Variants in HECW2 observed in about 807,000 individuals in gnomAD.
HECW2 encodes the protein HECT, C2 and WW domain containing E3 ubiquitin protein ligase 2, also known as E3 ubiquitin-protein ligase HECW2.
In HECW2, 61 loss-of-function variants were observed where a neutral mutation model predicts 175.2. The ratio of observed to expected loss-of-function variants is 0.35; its 90% confidence interval spans 0.28 to 0.43. The LOEUF is 0.43. Among genes scored for constraint, HECW2 ranks in the 20% least tolerant of loss-of-function variants. The probability of loss-of-function intolerance (pLI) is 1.00; values close to 1 mark genes in which losing one functional copy is unlikely to be tolerated. For synonymous variants in HECW2, 671 were observed against 731.0 expected (o/e 0.92, Z 1.32); for missense variants, 1,524 against 2,000.5 (o/e 0.76, Z 4.54).
At chr2:196,501,634 T>G (rs1687581622) in intron 1 of HECW2, among the ~76,000 whole-genome samples, 1 of 152,182 alleles carries the variant, frequency 6.6e-6, no homozygotes, top group Non-Finnish European at 1.5e-5. Context: ...GCAATTACAT[T>G]TATGACAGCA....
intron 1 of HECW2, among the ~76,000 whole-genome samples, chr2:196,485,174 G>A (rs771343877): frequency 6.6e-6 from 1 of 152,178 alleles, no homozygotes; most frequent in Non-Finnish European, 1.5e-5. Flanking sequence ...ATCAAAAAAA[G>A]AAGAGTTCTA....
At chr2:196,527,024 C>T (rs1488233717) in intron 1 of HECW2, among the ~76,000 whole-genome samples, 1 of 152,188 alleles carries the variant, frequency 6.6e-6, no homozygotes, top group African/African-American at 2.4e-5. Context: ...AGCTTCCCGG[C>T]TGCTTTGTTT....
intron 1 of HECW2, among the ~76,000 whole-genome samples, chr2:196,538,226 C>T (rs1234223702): frequency 6.6e-6 from 1 of 152,196 alleles, no homozygotes; most frequent in Non-Finnish European, 1.5e-5. Flanking sequence ...CTGATAAAGA[C>T]AAACAAGGAA....
At chr2:196,266,865 A>T (rs1024015752) in intron 17 of HECW2, among the ~76,000 whole-genome samples, 2 of 152,234 alleles carry the variant, frequency 1.3e-5, no homozygotes, top group Non-Finnish European at 2.9e-5. Flanking sequence ...GGGCTCTTCA[A>T]ATAGGATAAT....
At chr2:196,350,937 A>C (rs1693149424) in intron 2 of HECW2, among the ~76,000 whole-genome samples, 1 of 152,216 alleles carries the variant, frequency 6.6e-6, no homozygotes, top group Non-Finnish European at 1.5e-5. Flanking sequence ...GAAGTCTACA[A>C]ATCTAAGCCA....
intron 1 of HECW2, among the ~76,000 whole-genome samples, chr2:196,468,747 A>C (rs771216726): frequency 3.3e-5 from 5 of 152,218 alleles, no homozygotes; most frequent in Non-Finnish European, 5.9e-5. Flanking sequence ...AACTCAGGTC[A>C]GCAAGATCTG....
At chr2:196,356,705 T>C (rs912114184) in intron 2 of HECW2, among the ~76,000 whole-genome samples, 6 of 152,328 alleles carry the variant, frequency 3.9e-5, no homozygotes, top group South Asian at 2.1e-4. Context: ...AAAGAAGCTA[T>C]TTTGAGAGAG....
At chr2:196,341,729 T>C (rs753725674) in intron 3 of HECW2, among the ~76,000 whole-genome samples, 33 of 152,168 alleles carry the variant, frequency 2.2e-4, no homozygotes, top group Non-Finnish European at 4.0e-4. Context: ...TAAGAGAGAA[T>C]CCAGTCAGAA....
At chr2:196,536,390 G>C (rs995069461) in intron 1 of HECW2, among the ~76,000 whole-genome samples, 9 of 152,194 alleles carry the variant, frequency 5.9e-5, no homozygotes, top group African/African-American at 2.2e-4. Flanking sequence ...GACTACATGA[G>C]AGAGCTGGAA....
At chr2:196,344,111 C>T (rs771208202) in intron 2 of HECW2, among the ~76,000 whole-genome samples, 1 of 151,910 alleles carries the variant, frequency 6.6e-6, no homozygotes, top group Admixed American at 6.6e-5. Context: ...TTGTAAAACG[C>T]TTTTATAAAA....
chr2:196,556,456 G>A (rs957884807), intron 1 of HECW2, among the ~76,000 whole-genome samples: 3 of 151,944 alleles, frequency 2.0e-5, no homozygotes, highest in East Asian at 1.9e-4. Context: ...ATTTTCTCCC[G>A]TTCCCGACCC....
chr2:196,555,529 C>T (rs961027100), intron 1 of HECW2, among the ~76,000 whole-genome samples: 1 of 152,090 alleles, frequency 6.6e-6, no homozygotes. Flanking sequence ...CCTATCAAAA[C>T]ATCTTGCTGC....
chr2:196,356,559 G>A (rs895749150), intron 2 of HECW2, among the ~76,000 whole-genome samples: 1 of 152,110 alleles, frequency 6.6e-6, no homozygotes, highest in African/African-American at 2.4e-5. Context: ...CAGCCACTTA[G>A]TAGCCATCTC....
chr2:196,325,384 G>A (rs1176408268), intron 5 of HECW2, among the ~76,000 whole-genome samples: 1 of 152,182 alleles, frequency 6.6e-6, no homozygotes, highest in Non-Finnish European at 1.5e-5. Flanking sequence ...GATAAGTGAA[G>A]ACAAATGGGT....
At chr2:196,417,227 G>T (rs2125238977) in intron 2 of HECW2, among the ~76,000 whole-genome samples, 1 of 152,276 alleles carries the variant, frequency 6.6e-6, no homozygotes, top group South Asian at 2.1e-4. Flanking sequence ...GATTCCAAAT[G>T]ATGAAAAATA....
intron 19 of HECW2, among the ~76,000 whole-genome samples, chr2:196,252,807 A>C (rs1353169775): frequency 3.2e-4 from 49 of 152,222 alleles, no homozygotes. Flanking sequence ...TCCACCTGGT[A>C]AACTCCTATT....
intron 5 of HECW2, 149 bp from the exon 6 acceptor site, chr2:196,325,298 T>A: frequency 2.0e-6 from 1 of 497,276 alleles, no homozygotes; most frequent in Non-Finnish European, 3.4e-6. Context: ...AATTTGTTCT[T>A]AAATAAACAC....
chr2:196,450,585 G>A (rs565354954), intron 1 of HECW2, among the ~76,000 whole-genome samples: 6 of 150,104 alleles, frequency 4.0e-5, no homozygotes, highest in South Asian at 2.1e-4. Context: ...TCTGCCTCCC[G>A]GGTTCAAGAG....
intron 2 of HECW2, among the ~76,000 whole-genome samples, chr2:196,402,255 A>C (rs945410994): frequency 6.6e-6 from 1 of 151,664 alleles, no homozygotes; most frequent in African/African-American, 2.4e-5. Context: ...TAAGTTACTA[A>C]AGGAAAAAAG....
Sources: allele counts gnomAD v4.1 joint callset (sites outside exome capture counted in the v4.1 genomes callset), GRCh38; gene constraint gnomAD v4.1.1; transcripts MANE v1.5; gene names NCBI Gene and HGNC (gene_info 2026-07-23, HGNC 2026-07-21).